Variants in CASZ1 observed in about 807,000 individuals in gnomAD.
CASZ1 encodes the protein zinc finger protein castor homolog 1.
Under a neutral mutation model 135.2 loss-of-function variants are expected in CASZ1, and 28 were observed. That is an observed-to-expected ratio of 0.21 (90% CI 0.15 to 0.28). The LOEUF (loss-of-function observed/expected upper bound fraction) is 0.28. Among genes scored for constraint, CASZ1 ranks in the 10% least tolerant of loss-of-function variants. The pLI is 1.00. For missense variants in CASZ1, 2,161 were observed against 2,453.3 expected (o/e 0.88, Z 2.52); for synonymous variants, 1,068 against 1,073.4 (o/e 0.99, Z 0.10).
rs117999173 is a variant in CASZ1 at position 10,646,418 on chromosome 1, C to A, written c.3498-92G>T. The A allele has an allele frequency of 4.1e-3, 5,077 of 1,235,028 alleles. 34 individuals carry two copies. The highest frequency in any genetic ancestry group is 0.03 in the East Asian group (1,191 of 40,326). The allele number at this position is 1,235,028 out of a possible 1,614,324, so 76.5% of individuals were successfully genotyped here. Reference sequence around the variant, plus strand: ...TCACTTGTGTTGGAGTTCACTCCCCCACGACCAGCGGTACCACCAAGAGGG... The same window carrying A: ...TCACTTGTGTTGGAGTTCACTCCCCAACGACCAGCGGTACCACCAAGAGGG... On this transcript the variant is annotated intron_variant, in intron 16 of 20. Transcript: ENST00000377022. The surrounding 1 kb of genome is among the most constrained non-coding windows in gnomAD (Gnocchi z 6.4).
intron 4 of CASZ1, among the ~76,000 whole-genome samples, chr1:10,672,216 C>T (rs1229566494): frequency 2.2e-5 from 3 of 139,116 alleles, no homozygotes; most frequent in Admixed American, 7.1e-5. Context: ...CCCCTCCCCC[C>T]GCCACCCCCT....
intron 2 of CASZ1, among the ~76,000 whole-genome samples, chr1:10,723,870 C>T (rs1263366757): frequency 6.6e-6 from 1 of 152,226 alleles, no homozygotes; most frequent in African/African-American, 2.4e-5. Context: ...CAGGTGGCCT[C>T]CCCAGTTCAG....
chr1:10,648,968 T>G, intron 15 of CASZ1, 102 bp downstream of exon 15: 1 of 1,473,220 alleles, frequency 6.8e-7, no homozygotes, highest in Non-Finnish European at 9.2e-7. Context: ...TCAGCTTCTG[T>G]GGCCCAGCGG....
Position 10,639,600 on chromosome 1 carries a change from T to C in CASZ1, c.4622A>G (p.Asp1541Gly). ...TAHRKHHGKQ[D>G]VISAAGFCQF... ...GCAGAAGCCCGCGGCGCTGATCACG[T>C]CCTGTTTGCCGTGGTGCTTGCGATG... The change falls in exon 21 of 21, where the codon GAC (aspartate) becomes GGC (glycine). Residue 1541 changes from aspartate (D) to glycine (G), a missense_variant. By Grantham distance (94) the Asp-to-Gly change is moderately conservative. This residue lies in a region of CASZ1 where 240 missense variants were observed against 321.4 expected (regional missense o/e 0.75). Transcript: ENST00000377022. The surrounding 1 kb of genome is among the most constrained non-coding windows in gnomAD (Gnocchi z 4.0). 6.2e-7 allele frequency: 1 copy of C among 1,611,726 alleles called. No individual in the cohort carries two copies. The highest frequency in any genetic ancestry group is 8.5e-7 in the Non-Finnish European group (1 of 1,179,804).
intron 2 of CASZ1, among the ~76,000 whole-genome samples, chr1:10,734,430 C>A (rs968585622): frequency 6.6e-6 from 1 of 152,040 alleles, no homozygotes; most frequent in Non-Finnish European, 1.5e-5. Context: ...CCAGTCCCCA[C>A]CTGCTAACAG....
Position 10,741,074 on chromosome 1 carries a change from C to A in CASZ1, c.-77+19627G>T, listed in dbSNP as rs1249071004. ...ATGGCACAATCTCAGCTCATTGCAA[C>A]CTCCGTTTCCTGGGTTCAAGTGATT... On this transcript the variant is annotated intron_variant, in intron 2 of 20. Coordinates refer to ENST00000377022, the MANE Select transcript of CASZ1 (RefSeq NM_001079843.3). This position sits in a 1 kb window ranked among gnomAD's most constrained non-coding sequence, Gnocchi z 5.0. Among the ~76,000 whole-genome samples, 1 of 150,448 alleles carries A rather than the reference C, an allele frequency of 6.6e-6. No individual in the cohort carries two copies. The highest frequency in any genetic ancestry group is 2.4e-5 in the African/African-American group (1 of 40,882).
rs568787389 is a variant in CASZ1, at chr1:10,765,264, C to T, written c.-233-4407G>A. On this transcript the variant is annotated intron_variant, in intron 1 of 20. Coordinates refer to ENST00000377022, the MANE Select transcript of CASZ1 (RefSeq NM_001079843.3). ...GGAAAGATTTCTATCCGAGAGGGTA[C>T]GTGGTGGAAGATAAGCCCGGGGTGG... Among the ~76,000 whole-genome samples, 6 of 151,632 alleles carry T rather than the reference C, an allele frequency of 4.0e-5. No homozygotes were observed. The South Asian group carries it at 6.3e-4, about 16-fold the overall frequency.
chr1:10,690,111 G>C (rs1224419138), intron 4 of CASZ1, among the ~76,000 whole-genome samples: 5 of 152,222 alleles, frequency 3.3e-5, no homozygotes, highest in African/African-American at 4.8e-5. Flanking sequence ...GAAGGAAATT[G>C]AGAGCAATCT....
rs903805666 is a variant in CASZ1, at chr1:10,768,270, T to C, written c.-233-7413A>G. Among the ~76,000 whole-genome samples the C allele has an allele frequency of 2.6e-5, 4 of 152,170 alleles. No homozygotes were observed. The East Asian group carries it at 5.8e-4, about 22-fold the overall frequency. On this transcript the variant is annotated intron_variant, in intron 1 of 20. Coordinates refer to ENST00000377022, the MANE Select transcript of CASZ1 (RefSeq NM_001079843.3). Reference sequence around the variant, plus strand: ...TCTCACTCTGTCACCCAGGCTGGAGTGCAGTGGTGCAATCTCGGCTCACGG... The same window carrying C: ...TCTCACTCTGTCACCCAGGCTGGAGCGCAGTGGTGCAATCTCGGCTCACGG...
intron 1 of CASZ1, among the ~76,000 whole-genome samples, chr1:10,795,800 G>C (rs981260890): frequency 6.6e-6 from 1 of 152,118 alleles, no homozygotes; most frequent in Admixed American, 6.5e-5. Flanking sequence ...ATGAAAAAGG[G>C]GGCGCCGCTC....
At position 10,767,259 on chromosome 1, in the gene CASZ1, T is replaced by C. The variant is rs1028175150; in HGVS notation, c.-233-6402A>G. Among the ~76,000 whole-genome samples, 38 of 152,218 alleles carry C rather than the reference T, an allele frequency of 2.5e-4. No homozygotes were observed. Among genetic ancestry groups the C allele is most frequent in the African/African-American group, 8.2e-4 (34 of 41,456 alleles). ...GGCCCAGGAGATCAGCGATGTCCTC[T>C]GACCCTTCCCTCTACCCAGGCAGGC... On this transcript the variant is annotated intron_variant, in intron 1 of 20. Transcript: ENST00000377022. The surrounding 1 kb of genome is among the most constrained non-coding windows in gnomAD (Gnocchi z 4.2).
At chr1:10,712,007 G>A (rs142702930) in intron 2 of CASZ1, among the ~76,000 whole-genome samples, 24 of 152,308 alleles carry the variant, frequency 1.6e-4, no homozygotes, top group African/African-American at 5.5e-4. Flanking sequence ...CTTAATAGTT[G>A]TGCAACTCTG....
rs546341406 is a variant in CASZ1, at chr1:10,724,260, G to T, written c.-76-18716C>A. On this transcript the variant is annotated intron_variant, in intron 2 of 20. Coordinates refer to ENST00000377022, the MANE Select transcript of CASZ1 (RefSeq NM_001079843.3). This position sits in a 1 kb window ranked among gnomAD's most constrained non-coding sequence, Gnocchi z 4.1. ...CAGCAAATCATTTCCCAGAGCCACGGCCCCCTCCCCAGCACCAAGAACCTT... is the reference window on the plus strand; with the variant it reads ...CAGCAAATCATTTCCCAGAGCCACGTCCCCCTCCCCAGCACCAAGAACCTT... 4.0e-3 allele frequency among the ~76,000 whole-genome samples: 602 copies of T among 152,274 alleles called. 6 individuals are homozygous for T. Among genetic ancestry groups the T allele is most frequent in the African/African-American group, 0.014 (580 of 41,534 alleles).
At chr1:10,790,550 G>A (rs944800436) in intron 1 of CASZ1, among the ~76,000 whole-genome samples, 1 of 151,992 alleles carries the variant, frequency 6.6e-6, no homozygotes, top group Non-Finnish European at 1.5e-5. Flanking sequence ...AGACTGGCTC[G>A]GCCTTCTCTT....
At position 10,649,429 on chromosome 1, in the gene CASZ1, C is replaced by G; in HGVS notation, c.2889G>C (p.Gln963His). The G allele has an allele frequency of 6.2e-7, 1 of 1,608,746 alleles. No homozygotes were observed. The highest frequency in any genetic ancestry group is 8.5e-7 in the Non-Finnish European group (1 of 1,177,430). The change falls in exon 14 of 21, where the codon CAG becomes CAC. Residue 963 changes from glutamine (Q) to histidine (H), a missense_variant. Physicochemically the swap from Gln to His is conservative, Grantham distance 24. This residue lies in a region of CASZ1 where 406 missense variants were observed against 387.6 expected (regional missense o/e 1.05). Coordinates refer to ENST00000377022, the MANE Select transcript of CASZ1 (RefSeq NM_001079843.3). ...LLSSLMNKMS[Q>H]GNPGLGSLLN... is the part of the protein sequence containing the mutation. ...GCAGGCTGCCCAGGCCAGGGTTGCCCTGAGACATCTGTGAGGGACAGAGGC... is the reference window on the plus strand; with the variant it reads ...GCAGGCTGCCCAGGCCAGGGTTGCCGTGAGACATCTGTGAGGGACAGAGGC...
rs777886190 is a variant in CASZ1, at chr1:10,659,691, G to C, written c.1340+11C>G. ...CTGGCTCTGGGCATTGTGGGGTGGG[G>C]AGCGCCTTACTTGACAGTGGAGACG... On this transcript the variant is annotated intron_variant, in intron 6 of 20. Transcript: ENST00000377022. 1.1e-5 allele frequency: 17 copies of C among 1,602,656 alleles called. No individual in the cohort carries two copies. The highest frequency in any genetic ancestry group is 1.4e-5 in the Non-Finnish European group (16 of 1,169,776).
At chr1:10,785,006 TCTGC>T (rs1017400902) in intron 1 of CASZ1, among the ~76,000 whole-genome samples, 2 of 152,214 alleles carry the variant, frequency 1.3e-5, no homozygotes, top group Admixed American at 6.5e-5. Flanking sequence ...CTCCAACTTC[TCTGC>T]CTGCCTGCCT....
At chr1:10,651,168 G>A (rs557205802) in intron 11 of CASZ1, 92 bp from the exon 12 acceptor site, 4 of 1,075,352 alleles carry the variant, frequency 3.7e-6, no homozygotes, top group South Asian at 4.4e-5. Context: ...GAGGGCAGTG[G>A]GCTGGGTGGG....
intron 4 of CASZ1, among the ~76,000 whole-genome samples, chr1:10,671,855 G>T (rs1226454022): frequency 6.6e-6 from 1 of 152,266 alleles, no homozygotes; most frequent in African/African-American, 2.4e-5. Context: ...ACTGGAGGGT[G>T]CGAGGCTAGG....
Sources: gnomAD v4.1 joint callset for allele counts (sites outside exome capture counted in the v4.1 genomes callset) on GRCh38, gnomAD v4.1.1 for gene constraint, gnomAD v4.1.1 regional missense constraint, Gnocchi (gnomAD v3.1) non-coding constraint, MANE v1.5 for transcripts, NCBI Gene and HGNC (gene_info 2026-07-23, HGNC 2026-07-21) for gene names.